The following CFAP54 variants were observed in gnomAD, a reference collection of about 807,000 sequenced individuals.
CFAP54 encodes the protein cilia and flagella associated protein 54.
In CFAP54, 290 loss-of-function variants were observed where a neutral mutation model predicts 370.4. The ratio of observed to expected loss-of-function variants is 0.78; its 90% CI spans 0.71 to 0.86. The LOEUF (loss-of-function observed/expected upper bound fraction) is 0.86. Ranked by LOEUF, CFAP54 falls within the 40% of genes least tolerant of loss-of-function variation. The probability of loss-of-function intolerance (pLI) is 0.00; values close to 1 mark genes in which losing one functional copy is unlikely to be tolerated. For synonymous variants in CFAP54, 1,206 were observed against 1,236.5 expected (o/e 0.98, Z 0.52); for missense variants, 3,399 against 3,528.7 (o/e 0.96, Z 0.93).
At chr12:96,503,080 T>TTC (rs138111630) in intron 2 of CFAP54, among the ~76,000 whole-genome samples, 43,418 of 137,894 alleles carry the variant, frequency 0.31, 6,649 homozygotes, top group South Asian at 0.41. Context: ...CTTTCTTTCT[T>TTC]TCTCTTTCTT....
At chr12:96,551,265 C>A (rs2136397466) in intron 15 of CFAP54, among the ~76,000 whole-genome samples, 1 of 152,016 alleles carries the variant, frequency 6.6e-6, no homozygotes, top group African/African-American at 2.4e-5. Flanking sequence ...CATAACAAAA[C>A]AAGACAAAAA....
intron 38 of CFAP54, among the ~76,000 whole-genome samples, chr12:96,662,412 C>A (rs1177702539): frequency 2.0e-5 from 3 of 152,084 alleles, no homozygotes; most frequent in Non-Finnish European, 2.9e-5. Flanking sequence ...ACCATGTTGA[C>A]CAGGTTGGTC....
At chr12:96,730,143 CA>C (rs1267954613) in intron 50 of CFAP54, among the ~76,000 whole-genome samples, 1 of 152,122 alleles carries the variant, frequency 6.6e-6, no homozygotes, top group Non-Finnish European at 1.5e-5. Context: ...AAAAGTCACC[CA>C]AGAGAAATCA....
chr12:96,560,499 ATTC>A (rs370261168), intron 17 of CFAP54, among the ~76,000 whole-genome samples: 1 of 152,166 alleles, frequency 6.6e-6, no homozygotes, highest in African/African-American at 2.4e-5. Context: ...TGGCTGTCAT[ATTC>A]TTCTTCAATC....
chr12:96,605,831 A>G (rs1956293646), intron 26 of CFAP54, among the ~76,000 whole-genome samples: 1 of 152,140 alleles, frequency 6.6e-6, no homozygotes, highest in Admixed American at 6.6e-5. Flanking sequence ...TGATTGGGGA[A>G]GGCTTCACTC....
chr12:96,791,205 G>A (rs1238889630), intron 62 of CFAP54, among the ~76,000 whole-genome samples: 2 of 140,608 alleles, frequency 1.4e-5, no homozygotes, highest in Non-Finnish European at 3.0e-5. Flanking sequence ...TTTTTTTTGA[G>A]ACGGAGTCTC....
At chr12:96,648,879 C>T (rs796621284) in intron 34 of CFAP54, among the ~76,000 whole-genome samples, 12 of 152,182 alleles carry the variant, frequency 7.9e-5, no homozygotes, top group African/African-American at 2.6e-4. Flanking sequence ...TGAGCCACTG[C>T]GCCCGGCCGA....
At chr12:96,710,578 C>G (rs148903824) in intron 48 of CFAP54, among the ~76,000 whole-genome samples, 2,590 of 152,078 alleles carry the variant, frequency 0.017, 64 homozygotes, top group African/African-American at 0.057. Context: ...GAAAGGTGTA[C>G]TCACAGGTGA....
At chr12:96,594,484 A>G (rs1275310382) in intron 25 of CFAP54, 38 bp downstream of exon 25, 3 of 1,395,660 alleles carry the variant, frequency 2.1e-6, no homozygotes, top group South Asian at 3.0e-5. Flanking sequence ...GGGAATCTTT[A>G]TAAAGGCAAC....
At chr12:96,825,649 TTA>T (rs1349723325) in intron 65 of CFAP54, among the ~76,000 whole-genome samples, 2 of 122,104 alleles carry the variant, frequency 1.6e-5, no homozygotes, top group Non-Finnish European at 3.1e-5. Flanking sequence ...CTATTGTATA[TTA>T]TATATATCAT....
intron 15 of CFAP54, among the ~76,000 whole-genome samples, chr12:96,552,988 C>T (rs1955711645): frequency 6.6e-6 from 1 of 152,116 alleles, no homozygotes; most frequent in East Asian, 1.9e-4. Context: ...CAAACTCTTG[C>T]AATTCACCTG....
At chr12:96,650,437 C>G (rs149911271) in intron 35 of CFAP54, among the ~76,000 whole-genome samples, 58 of 152,282 alleles carry the variant, frequency 3.8e-4, no homozygotes, top group African/African-American at 1.3e-3. Context: ...CTTGATCTCT[C>G]TTGGGGGTAC....
At chr12:96,571,464 A>G (rs1443959980) in intron 19 of CFAP54, among the ~76,000 whole-genome samples, 1 of 152,094 alleles carries the variant, frequency 6.6e-6, no homozygotes, top group East Asian at 1.9e-4. Context: ...TTCTTTTTTC[A>G]AAGTTACTGA....
chr12:96,551,405 C>T lies in CFAP54; in HGVS notation c.2155-2777C>T, dbSNP rs78844384. On this transcript the variant is annotated intron_variant, in intron 15 of 67. Transcript: ENST00000524981. Reference sequence around the variant, plus strand: ...AATGATTTATAACCTTGGGGCCTGCCCTCAAGTAGGTTTTTAATTTGAATT... The same window carrying T: ...AATGATTTATAACCTTGGGGCCTGCTCTCAAGTAGGTTTTTAATTTGAATT... Among the ~76,000 whole-genome samples the T allele has an allele frequency of 4.3e-3, 658 of 151,652 alleles. 6 individuals are homozygous for T. Among genetic ancestry groups the T allele is most frequent in the African/African-American group, 0.015 (611 of 41,266 alleles).
At chr12:96,767,854 C>G (rs1958415823) in intron 60 of CFAP54, among the ~76,000 whole-genome samples, 1 of 152,164 alleles carries the variant, frequency 6.6e-6, no homozygotes, top group African/African-American at 2.4e-5. Context: ...TAGCATTGAT[C>G]TACACATGAG....
intron 32 of CFAP54, among the ~76,000 whole-genome samples, chr12:96,636,787 C>G (rs573590320): frequency 6.6e-6 from 1 of 152,282 alleles, no homozygotes; most frequent in African/African-American, 2.4e-5. Context: ...AACCCCGTCT[C>G]TACTAAAAAT....
chr12:96,824,479 CTGT>C (rs1351915121), intron 65 of CFAP54, among the ~76,000 whole-genome samples: 1 of 152,082 alleles, frequency 6.6e-6, no homozygotes, highest in African/African-American at 2.4e-5. Context: ...ACCCATCATG[CTGT>C]TGTTGAAATC....
chr12:96,512,018 A>G (rs1287168982), intron 4 of CFAP54, among the ~76,000 whole-genome samples: 1 of 151,914 alleles, frequency 6.6e-6, no homozygotes, highest in Non-Finnish European at 1.5e-5. Flanking sequence ...CCAGCCTTCT[A>G]TCCTCTTTTA....
chr12:96,833,503 C>T lies in CFAP54; in HGVS notation c.9171+4415C>T, dbSNP rs370197716. ...AAATTTGCCTAATCAATTACACACG[C>T]GTACGTGTGTGTGTGTGTGTGTGTG... is the stretch of plus-strand genomic sequence containing the variant. On this transcript the variant is annotated intron_variant, in intron 66 of 67. Transcript: ENST00000524981. Among the ~76,000 whole-genome samples the T allele has an allele frequency of 8.2e-5, 8 of 97,524 alleles. No homozygotes were observed. The East Asian group carries it at 1.0e-3, about 13-fold the overall frequency. 64.0% of individuals were successfully genotyped at this position (97,524 alleles called of 152,430 possible).
Sources: gnomAD v4.1 joint callset for allele counts (sites outside exome capture counted in the v4.1 genomes callset) on GRCh38, gnomAD v4.1.1 for gene constraint, MANE v1.5 for transcripts, NCBI Gene and HGNC (gene_info 2026-07-23, HGNC 2026-07-21) for gene names.